Variants in CBX5 observed in about 807,000 individuals in gnomAD.
CBX5 encodes the protein chromobox protein homolog 5.
Under a neutral mutation model 20.7 loss-of-function variants are expected in CBX5, and 7 were observed. The observed-to-expected ratio is 0.34, with a 90% confidence interval of 0.19 to 0.63. CBX5 has a LOEUF of 0.63. Among genes scored for constraint, CBX5 ranks in the 30% least tolerant of loss-of-function variants. The probability of loss-of-function intolerance (pLI) is 0.75; values close to 1 mark genes in which losing one functional copy is unlikely to be tolerated. For synonymous variants in CBX5, 78 were observed against 77.0 expected, an observed-to-expected ratio of 1.01 and a Z score of -0.07; for missense variants, 110 against 224.1, an observed-to-expected ratio of 0.49 and a Z score of 3.25.
intron 4 of CBX5, among the ~76,000 whole-genome samples, chr12:54,244,712 G>A (rs1317374039): frequency 2.0e-5 from 3 of 151,874 alleles, no homozygotes; most frequent in Admixed American, 6.6e-5. Flanking sequence ...CACTCTAGGC[G>A]AAAGAGACTC....
intron 3 of CBX5, among the ~76,000 whole-genome samples, chr12:54,247,213 C>T (rs981216666): frequency 6.6e-6 from 1 of 151,446 alleles, no homozygotes; most frequent in African/African-American, 2.4e-5. Flanking sequence ...GAAGGTAGAA[C>T]CGGACTGTGA....
chr12:54,248,285 G>A (rs975301456), intron 3 of CBX5, among the ~76,000 whole-genome samples: 4 of 152,266 alleles, frequency 2.6e-5, no homozygotes, highest in East Asian at 1.9e-4. Context: ...CACCGCACCC[G>A]GCCCAAACTA....
At position 54,257,558 on chromosome 12, in the gene CBX5, A is replaced by G; in HGVS notation, c.93T>C (p.Val31=). ...VVEKVLDRRV[V]KGQVEYLLKW... is the part of the protein sequence containing the mutation. ...TCAGTAGATATTCCACTTGTCCCTT[A>G]ACCACGCGCCTGTCTAGCACCTTCT... The change falls in exon 2 of 5, where the codon GTT becomes GTC. Residue 31 remains valine, a synonymous_variant. Coordinates refer to ENST00000209875, the MANE Select transcript of CBX5 (RefSeq NM_012117.3). The G allele has an allele frequency of 6.2e-7, 1 of 1,614,202 alleles. No individual in the cohort carries two copies. The highest frequency in any genetic ancestry group is 8.5e-7 in the Non-Finnish European group (1 of 1,180,020).
chr12:54,271,249 G>A (rs1944006586), intron 1 of CBX5, among the ~76,000 whole-genome samples: 2 of 152,172 alleles, frequency 1.3e-5, no homozygotes, highest in Admixed American at 1.3e-4. Flanking sequence ...TTTCCTTACT[G>A]ATTTCATCTA....
intron 1 of CBX5, among the ~76,000 whole-genome samples, chr12:54,267,919 G>A (rs978394354): frequency 5.3e-5 from 8 of 152,184 alleles, no homozygotes; most frequent in Non-Finnish European, 1.0e-4. Flanking sequence ...GGAGGCAGGC[G>A]GATCACTTGA....
chr12:54,246,835 A>T (rs866544521), intron 3 of CBX5, among the ~76,000 whole-genome samples: 1 of 152,044 alleles, frequency 6.6e-6, no homozygotes, highest in Non-Finnish European at 1.5e-5. Context: ...TCTGGAGTCA[A>T]CATCTAGGAA....
chr12:54,275,228 T>G (rs1455785060), intron 1 of CBX5, among the ~76,000 whole-genome samples: 2 of 152,054 alleles, frequency 1.3e-5, no homozygotes, highest in Non-Finnish European at 2.9e-5. Flanking sequence ...TTGGTTGCAA[T>G]AGTAGGTATG....
chr12:54,263,635 C>A (rs1172649373), intron 1 of CBX5, among the ~76,000 whole-genome samples: 1 of 150,506 alleles, frequency 6.6e-6, no homozygotes, highest in African/African-American at 2.5e-5. Context: ...GAGGCAGTTA[C>A]GCACCTGTAA....
chr12:54,246,674 G>A (rs1258922574), intron 3 of CBX5, among the ~76,000 whole-genome samples: 5 of 151,732 alleles, frequency 3.3e-5, no homozygotes, highest in African/African-American at 9.7e-5. Flanking sequence ...CCAGCTACTC[G>A]GGAGGCTGAG....
Position 54,237,724 on chromosome 12 carries a change from G to C in CBX5, c.*4031C>G. 1 of 167,384 alleles carries C rather than the reference G, an allele frequency of 6.0e-6. No individual in the cohort carries two copies. Among genetic ancestry groups the C allele is most frequent in the Non-Finnish European group, 1.3e-5 (1 of 75,626 alleles). 10.4% of individuals were successfully genotyped at this position (167,384 alleles called of 1,614,324 possible). A position where few individuals can be genotyped will look rare whatever the true frequency, so the allele number is the denominator to read the frequency against. On this transcript the variant is annotated 3_prime_UTR_variant, in exon 5 of 5. Coordinates refer to ENST00000209875, the MANE Select transcript of CBX5 (RefSeq NM_012117.3). ...GCAAGTCCAGGGCTTTTCTCATCCTGCCTTCCCATCACCTGACCCTCCTCT... is the reference window on the plus strand; with the variant it reads ...GCAAGTCCAGGGCTTTTCTCATCCTCCCTTCCCATCACCTGACCCTCCTCT...
chr12:54,254,039 C>G (rs1375088300), intron 2 of CBX5, among the ~76,000 whole-genome samples: 1 of 152,060 alleles, frequency 6.6e-6, no homozygotes, highest in Non-Finnish European at 1.5e-5. Context: ...ATGTGAGCCA[C>G]CGCATCTAGC....
chr12:54,272,864 T>C (rs1565875105), intron 1 of CBX5: 1 of 152,238 alleles, frequency 6.6e-6, no homozygotes, highest in Non-Finnish European at 1.5e-5. Context: ...ACTCCTTCCC[T>C]ATAAGATAAA....
Position 54,240,295 on chromosome 12 carries a change from G to A in CBX5, c.*1460C>T, listed in dbSNP as rs2137007964. On this transcript the variant is annotated 3_prime_UTR_variant, in exon 5 of 5. Transcript: ENST00000209875. ...CAACACAAGAAGAAACCAAAACGAA[G>A]TATTTTGCTGAGTAAGAAGAAAAGG... is the stretch of plus-strand genomic sequence containing the variant. 1 of 152,286 alleles carries A rather than the reference G, an allele frequency of 6.6e-6. No homozygotes were observed. The highest frequency in any genetic ancestry group is 2.1e-4 in the South Asian group (1 of 4,824). The allele number at this position is 152,286 out of a possible 1,614,324, so 9.4% of individuals were successfully genotyped here.
chr12:54,249,186 C>T (rs776162814), intron 3 of CBX5, among the ~76,000 whole-genome samples: 1 of 151,988 alleles, frequency 6.6e-6, no homozygotes, highest in Non-Finnish European at 1.5e-5. Context: ...CTGGCTAACA[C>T]GGTGAAACCC....
In CBX5 at chr12:54,241,844, T is replaced by C; in HGVS notation, c.487A>G (p.Ile163Val). 6.2e-7 allele frequency: 1 copy of C among 1,613,998 alleles called. No individual in the cohort carries two copies. Among genetic ancestry groups the C allele is most frequent in the Non-Finnish European group, 8.5e-7 (1 of 1,179,970 alleles). Residue 163 changes from isoleucine to valine, a missense_variant, in exon 5 of 5, where the codon ATT becomes GTT. Coordinates refer to ENST00000209875, the MANE Select transcript of CBX5 (RefSeq NM_012117.3). ...AKEANVKCPQIVIAFYEERLT... is the reference protein window; with the variant it reads ...AKEANVKCPQVVIAFYEERLT... ...CTCTCTTCATAAAATGCTATCACAA[T>C]TTGTGGACATTTCACATTAGCTTCT...
Position 54,241,810 on chromosome 12 carries a change from C to T in CBX5, c.521G>A (p.Trp174Ter). The T allele has an allele frequency of 6.2e-7, 1 of 1,613,574 alleles. No homozygotes were observed. The highest frequency in any genetic ancestry group is 2.2e-5 in the East Asian group (1 of 44,866). Residue 174 changes from tryptophan (W) to a stop codon, truncating the protein, a stop_gained, in exon 5 of 5, where the codon TGG (tryptophan) becomes TAG (stop). Coordinates refer to ENST00000209875, the MANE Select transcript of CBX5 (RefSeq NM_012117.3). LOFTEE classifies it high-confidence loss of function. ...TTCCGCATCCTCAGGATATGCATGC[C>T]ATGTCAGTCTCTCTTCATAAAATGC... Reference protein sequence around the residue: ...VIAFYEERLTWHAYPEDAENK... With the variant: ...VIAFYEERLT
At chr12:54,272,305 G>A (rs1592164772) in intron 1 of CBX5, 1 of 152,006 alleles carries the variant, frequency 6.6e-6, no homozygotes. Flanking sequence ...ATCTTGAAAC[G>A]GTCCTTTCAA....
At position 54,278,386 on chromosome 12, in the gene CBX5, A is replaced by G. The variant is rs1944091381; in HGVS notation, c.-43+1622T>C. The stretch of plus-strand genomic sequence containing the variant: ...CAACTCCATTACTAGCATACCTACA[A>G]ATAGGTTTACAGCCAGGTATAAATT... On this transcript the variant is annotated intron_variant, in intron 1 of 4. Coordinates refer to ENST00000209875, the MANE Select transcript of CBX5 (RefSeq NM_012117.3). Among the ~76,000 whole-genome samples, 3 of 151,632 alleles carry G rather than the reference A, an allele frequency of 2.0e-5. 1 individual carries two copies. The highest frequency in any genetic ancestry group is 4.1e-4 in the South Asian group (2 of 4,830).
intron 3 of CBX5, among the ~76,000 whole-genome samples, chr12:54,246,485 T>C (rs1239076455): frequency 6.6e-6 from 1 of 152,030 alleles, no homozygotes; most frequent in Non-Finnish European, 1.5e-5. Flanking sequence ...TAATGTCCTA[T>C]AAGATACTCC....
Sources: gnomAD v4.1 joint callset for allele counts (sites outside exome capture counted in the v4.1 genomes callset) on GRCh38, gnomAD v4.1.1 for gene constraint, MANE v1.5 for transcripts, NCBI Gene and HGNC (gene_info 2026-07-23, HGNC 2026-07-21) for gene names.